The following ZDHHC7 variants were observed in gnomAD, a reference collection of about 807,000 sequenced individuals.
The protein encoded by ZDHHC7 is palmitoyltransferase ZDHHC7.
A neutral mutation model predicts 34.1 loss-of-function variants in ZDHHC7; 12 were observed. The observed-to-expected ratio is 0.35, with a 90% CI of 0.23 to 0.57. ZDHHC7 has a LOEUF of 0.57. ZDHHC7 is among the 20% of genes least tolerant of loss of function. The pLI is 0.84. For synonymous variants in ZDHHC7, 185 were observed against 155.4 expected (o/e 1.19, Z -1.42); for missense variants, 388 against 402.7 (o/e 0.96, Z 0.31).
intron 3 of ZDHHC7, among the ~76,000 whole-genome samples, chr16:84,986,056 T>C (rs1300541460): frequency 6.6e-6 from 1 of 151,774 alleles, no homozygotes; most frequent in Non-Finnish European, 1.5e-5. Flanking sequence ...CTACCGGTAT[T>C]GAGGTTATGT....
chr16:84,990,786 A>C (rs577782492), intron 2 of ZDHHC7, among the ~76,000 whole-genome samples, 151 bp from the exon 3 acceptor site: 18 of 152,342 alleles, frequency 1.2e-4, no homozygotes, highest in African/African-American at 4.1e-4. Context: ...CTAAGATCTG[A>C]ATTTTTAAAT....
intron 1 of ZDHHC7, among the ~76,000 whole-genome samples, chr16:85,008,931 G>A (rs977630094): frequency 1.3e-5 from 2 of 151,532 alleles, no homozygotes; most frequent in Non-Finnish European, 2.9e-5. Flanking sequence ...TGTAATCCCA[G>A]CTACTCGGGA....
At chr16:85,020,256 C>T in the ZDHHC7 span, among the ~76,000 whole-genome samples, 1 of 152,196 alleles carries the variant, frequency 6.6e-6, no homozygotes, top group East Asian at 1.9e-4. Context: ...ACCCAGTCCT[C>T]ATCTTGTCTA....
intron 3 of ZDHHC7, among the ~76,000 whole-genome samples, chr16:84,986,268 C>T (rs1216951317): frequency 6.6e-6 from 1 of 152,138 alleles, no homozygotes; most frequent in Non-Finnish European, 1.5e-5. Flanking sequence ...TTTTCGAGGC[C>T]GGGGCTCTGA....
chr16:84,983,337 G>A (rs2072394745), intron 3 of ZDHHC7, among the ~76,000 whole-genome samples: 1 of 152,318 alleles, frequency 6.6e-6, no homozygotes, highest in Middle Eastern at 3.4e-3. Flanking sequence ...AAATGCAGGT[G>A]CCTCGCTGGG....
chr16:84,985,559 G>C (rs1410844837), intron 3 of ZDHHC7, among the ~76,000 whole-genome samples: 1 of 152,166 alleles, frequency 6.6e-6, no homozygotes, highest in Non-Finnish European at 1.5e-5. Flanking sequence ...AGACATTGCA[G>C]GGACCAGAGA....
chr16:84,980,053 C>T (rs1353785459), intron 4 of ZDHHC7, among the ~76,000 whole-genome samples: 3 of 149,194 alleles, frequency 2.0e-5, no homozygotes, highest in Non-Finnish European at 4.4e-5. Context: ...CTCTGCCTCC[C>T]GGGTTCACGC....
intron 2 of ZDHHC7, among the ~76,000 whole-genome samples, chr16:84,994,973 G>T (rs1206992825): frequency 2.0e-5 from 3 of 152,046 alleles, no homozygotes; most frequent in African/African-American, 7.2e-5. Flanking sequence ...AAGAAATGAA[G>T]AAACCATTCC....
intron 3 of ZDHHC7, among the ~76,000 whole-genome samples, chr16:84,984,753 G>A (rs2072415077): frequency 6.6e-6 from 1 of 152,130 alleles, no homozygotes; most frequent in Non-Finnish European, 1.5e-5. Flanking sequence ...CACGGGCATG[G>A]TGTCCTGGGG....
intron 4 of ZDHHC7, among the ~76,000 whole-genome samples, chr16:84,979,788 G>T (rs900625116): frequency 1.4e-4 from 21 of 151,912 alleles, no homozygotes; most frequent in African/African-American, 4.8e-4. Flanking sequence ...GTTTTTAACA[G>T]CTGTATTTTA....
At chr16:85,021,004 C>G in the ZDHHC7 span, among the ~76,000 whole-genome samples, 9 of 152,146 alleles carry the variant, frequency 5.9e-5, no homozygotes, top group East Asian at 1.7e-3. Flanking sequence ...ACTCAGGAGG[C>G]TGAGGTGGGA....
At chr16:84,988,831 T>C (rs1361918036) in intron 3 of ZDHHC7, 1 of 1,551,654 alleles carries the variant, frequency 6.4e-7, no homozygotes, top group African/African-American at 1.4e-5. Context: ...TCCAGCCCAG[T>C]TTTCACTGTG....
chr16:84,985,664 A>T (rs2072426776), intron 3 of ZDHHC7, among the ~76,000 whole-genome samples: 1 of 152,112 alleles, frequency 6.6e-6, no homozygotes, highest in Admixed American at 6.6e-5. Flanking sequence ...TTATAAAAGA[A>T]TTGAGACAGG....
chr16:85,012,905 A>C (rs900996009), upstream of ZDHHC7, among the ~76,000 whole-genome samples: 5 of 152,002 alleles, frequency 3.3e-5, no homozygotes. Context: ...ACTCCATCTC[A>C]ATGAAAAAAG....
the ZDHHC7 span, among the ~76,000 whole-genome samples, chr16:85,026,831 T>C: frequency 4.6e-5 from 7 of 151,994 alleles, no homozygotes; most frequent in African/African-American, 1.7e-4. Context: ...CACTGGAATG[T>C]AGTTGTACAA....
At chr16:85,020,544 T>C in the ZDHHC7 span, among the ~76,000 whole-genome samples, 1 of 152,132 alleles carries the variant, frequency 6.6e-6, no homozygotes, top group Non-Finnish European at 1.5e-5. Flanking sequence ...AAGACATGGA[T>C]ATTTGTTGAG....
intron 3 of ZDHHC7, 27 bp downstream of exon 3, chr16:84,990,277 C>A: frequency 1.2e-6 from 2 of 1,604,726 alleles, no homozygotes; most frequent in African/African-American, 1.3e-5. Context: ...CACAAGAGAG[C>A]CACCCAGAGA....
At position 84,980,823 on chromosome 16, in the gene ZDHHC7, T is replaced by TC. The variant is rs540959390; in HGVS notation, c.440+1046dup. Among the ~76,000 whole-genome samples, 61 of 152,326 alleles carry TC rather than the reference T, an allele frequency of 4.0e-4. No individual in the cohort carries two copies. The East Asian group carries it at 0.011, about 28-fold the overall frequency. ...GAAAGAAACCTCACCCCATATGCAG[T>TC]CACTGCCTATTTCTAACCCCAGCCC... On this transcript the variant is annotated intron_variant, in intron 4 of 7. Transcript: ENST00000313732.
At chr16:84,999,453 C>T (rs1339767002) in intron 1 of ZDHHC7, among the ~76,000 whole-genome samples, 1 of 152,122 alleles carries the variant, frequency 6.6e-6, no homozygotes, top group African/African-American at 2.4e-5. Flanking sequence ...TACCCCCAAA[C>T]TGAAAACAAC....
Sources: gnomAD v4.1 joint callset for allele counts (sites outside exome capture counted in the v4.1 genomes callset) on GRCh38, gnomAD v4.1.1 for gene constraint, MANE v1.5 for transcripts, NCBI Gene and HGNC (gene_info 2026-07-23, HGNC 2026-07-21) for gene names.